ZNF540: variants seen among roughly 807,000 people sequenced by gnomAD.
ZNF540 encodes the protein CTD-3064H18.6.
A neutral mutation model predicts 11.8 loss-of-function variants in ZNF540; 3 were observed. The observed-to-expected ratio is 0.25, with a 90% CI of 0.12 to 0.65. ZNF540 has a LOEUF of 0.65. ZNF540 is among the 30% of genes least tolerant of loss of function. The pLI, the probability that ZNF540 is intolerant of heterozygous loss-of-function variation, is 0.83. For synonymous variants in ZNF540, 247 were observed against 259.0 expected (o/e 0.95, Z 0.45); for missense variants, 709 against 793.1 (o/e 0.89, Z 1.27).
chr19:37,578,723 A>T (rs900742187), intron 1 of ZNF540, among the ~76,000 whole-genome samples: 4 of 151,750 alleles, frequency 2.6e-5, no homozygotes, highest in Non-Finnish European at 4.4e-5. Flanking sequence ...ACATTCCCCC[A>T]GGAACCTCCC....
At chr19:37,574,987 T>C (rs2147175038) in intron 1 of ZNF540, among the ~76,000 whole-genome samples, 1 of 152,300 alleles carries the variant, frequency 6.6e-6, no homozygotes, top group Admixed American at 6.5e-5. Flanking sequence ...CTTTACATTT[T>C]CAAAATCAAA....
intron 1 of ZNF540, chr19:37,585,847 G>A (rs2043654951): frequency 6.6e-6 from 1 of 152,176 alleles, no homozygotes; most frequent in Non-Finnish European, 1.5e-5. Context: ...GTATTTGTAA[G>A]TGATAGAGGG....
intron 1 of ZNF540, chr19:37,556,150 T>A (rs2042657407): frequency 1.4e-6 from 1 of 702,262 alleles, no homozygotes; most frequent in South Asian, 1.5e-5. Flanking sequence ...TCTTCGCGGG[T>A]ACGGGCTGGC....
chr19:37,563,105 G>A (rs528720086), intron 1 of ZNF540: 7 of 152,284 alleles, frequency 4.6e-5, no homozygotes, highest in African/African-American at 1.7e-4. Context: ...GAGGCAGGTA[G>A]ATGCTTGAGC....
intron 1 of ZNF540, chr19:37,587,008 C>T: frequency 3.3e-6 from 1 of 304,376 alleles, no homozygotes; most frequent in Non-Finnish European, 6.0e-6. Flanking sequence ...AGGGAGCCCC[C>T]CACCATCCTC....
intron 4 of ZNF540, among the ~76,000 whole-genome samples, chr19:37,603,152 C>T (rs552757468): frequency 1.1e-4 from 17 of 151,984 alleles, no homozygotes; most frequent in African/African-American, 4.1e-4. Flanking sequence ...GTATTACAGG[C>T]GCCTGCCACC....
At chr19:37,577,875 G>A (rs2043297435) in intron 1 of ZNF540, among the ~76,000 whole-genome samples, 1 of 152,102 alleles carries the variant, frequency 6.6e-6, no homozygotes, top group Non-Finnish European at 1.5e-5. Flanking sequence ...TCTAAAACAG[G>A]GATCCCCAAC....
At chr19:37,601,160 C>A in intron 4 of ZNF540, 55 bp downstream of exon 4, 1 of 1,441,858 alleles carries the variant, frequency 6.9e-7, no homozygotes, top group Non-Finnish European at 9.5e-7. Flanking sequence ...TCACGGCCAG[C>A]TGGTGAGGGA....
intron 4 of ZNF540, among the ~76,000 whole-genome samples, chr19:37,609,706 G>A (rs2044113477): frequency 6.6e-6 from 1 of 151,722 alleles, no homozygotes; most frequent in African/African-American, 2.4e-5. Context: ...AAATTAGCTG[G>A]GTTTGGTGGC....
intron 1 of ZNF540, among the ~76,000 whole-genome samples, chr19:37,561,326 T>C (rs772984435): frequency 1.3e-5 from 2 of 152,156 alleles, no homozygotes; most frequent in African/African-American, 4.8e-5. Context: ...TGTTCCTCTC[T>C]AGTGTAGTCC....
intron 4 of ZNF540, chr19:37,611,293 C>T (rs938501491): frequency 1.9e-5 from 6 of 321,172 alleles, no homozygotes; most frequent in Middle Eastern, 9.8e-4. Flanking sequence ...TTCCAAAGTG[C>T]TGAGATTACA....
chr19:37,587,682 C>G (rs2043723146), intron 1 of ZNF540, among the ~76,000 whole-genome samples: 1 of 151,960 alleles, frequency 6.6e-6, no homozygotes, highest in Non-Finnish European at 1.5e-5. Context: ...CAAGAAAACC[C>G]AGTAAGAGAG....
chr19:37,599,094 T>C (rs1251906882), intron 2 of ZNF540, among the ~76,000 whole-genome samples: 1 of 152,218 alleles, frequency 6.6e-6, no homozygotes, highest in Non-Finnish European at 1.5e-5. Context: ...TGAGGTACTA[T>C]GGCCTCGAAC....
At position 37,612,870 on chromosome 19, in the gene ZNF540, G is replaced by A; in HGVS notation, c.1590G>A (p.Lys530=). 6.2e-7 allele frequency: 1 copy of A among 1,614,048 alleles called. No individual in the cohort carries two copies. The highest frequency in any genetic ancestry group is 1.1e-5 in the South Asian group (1 of 91,080). Residue 530 remains lysine, a synonymous_variant, in exon 5 of 5, where the codon AAG becomes AAA. Coordinates refer to ENST00000316433, the MANE Select transcript of ZNF540 (RefSeq NM_001172225.3). ...CCTATAAATGTAAAGAATGTGGAAAGGCCTTTATTCGTAGAGGGAATCTTA... is the reference window on the plus strand; with the variant it reads ...CCTATAAATGTAAAGAATGTGGAAAAGCCTTTATTCGTAGAGGGAATCTTA... The part of the protein sequence containing the change: ...EKPYKCKECG[K]AFIRRGNLKE...
At chr19:37,593,232 T>C (rs1460534024), upstream of ZNF540, among the ~76,000 whole-genome samples, 1 of 152,070 alleles carries the variant, frequency 6.6e-6, no homozygotes, top group African/African-American at 2.4e-5. Context: ...TGAAATACTA[T>C]AGGAAAAAAC....
In ZNF540 at chr19:37,613,254, T is replaced by C. The variant is rs889627434; in HGVS notation, c.1974T>C (p.Asn658=). Residue 658 remains asparagine, a synonymous_variant, in exon 5 of 5, where the codon AAT becomes AAC. Transcript: ENST00000316433. ...TTTATCAACATCAGAAAACTCATAA[T>C]GTAATTTAATATAAGAAAAGGTTTC... ...SHLYQHQKTH[N]VI 3 of 1,492,936 alleles carry C rather than the reference T, an allele frequency of 2.0e-6. No individual in the cohort carries two copies. The highest frequency in any genetic ancestry group is 1.4e-5 in the African/African-American group (1 of 71,516). The allele number at this position is 1,492,936 out of a possible 1,614,324, so 92.5% of individuals were successfully genotyped here.
At chr19:37,583,795 A>C in intron 1 of ZNF540, 1 of 565,270 alleles carries the variant, frequency 1.8e-6, no homozygotes, top group Non-Finnish European at 3.0e-6. Flanking sequence ...AGGAAGTGAC[A>C]GAGAAAGATG....
intron 1 of ZNF540, among the ~76,000 whole-genome samples, chr19:37,562,214 C>T (rs2042724444): frequency 6.6e-6 from 1 of 152,060 alleles, no homozygotes; most frequent in Non-Finnish European, 1.5e-5. Context: ...GAAACCCTGC[C>T]TCTACTAAAA....
intron 1 of ZNF540, among the ~76,000 whole-genome samples, chr19:37,553,775 C>CT (rs59511680): frequency 1 from 152,232 of 152,234 alleles, 76,115 homozygotes; most frequent in Middle Eastern, 1. Flanking sequence ...ACCTTCTCAC[C>CT]TTTGAGCCAT....
Sources: allele counts gnomAD v4.1 joint callset (sites outside exome capture counted in the v4.1 genomes callset), GRCh38; gene constraint gnomAD v4.1.1; transcripts MANE v1.5; gene names NCBI Gene and HGNC (gene_info 2026-07-23, HGNC 2026-07-21).